Variants in MAP3K20 observed in about 807,000 individuals in gnomAD.
MAP3K20 encodes the protein HCCS-4.
A neutral mutation model predicts 85.7 loss-of-function variants in MAP3K20; 40 were observed. The ratio of observed to expected loss-of-function variants is 0.47; its 90% confidence interval spans 0.36 to 0.61. MAP3K20 has a LOEUF of 0.61. Ranked by LOEUF, MAP3K20 falls within the 20% of genes least tolerant of loss-of-function variation. The pLI is 0.00. For missense variants in MAP3K20, 817 were observed against 961.7 expected, an observed-to-expected ratio of 0.85 and a Z score of 1.99; for synonymous variants, 325 against 327.7, an observed-to-expected ratio of 0.99 and a Z score of 0.09.
intron 2 of MAP3K20, among the ~76,000 whole-genome samples, chr2:173,126,619 A>T (rs1246330384): frequency 6.6e-6 from 1 of 152,178 alleles, no homozygotes; most frequent in Non-Finnish European, 1.5e-5. Flanking sequence ...ACCTCAGGTG[A>T]TCCACCCACC....
chr2:173,102,760 C>T (rs1435588396), intron 2 of MAP3K20, among the ~76,000 whole-genome samples: 1 of 152,094 alleles, frequency 6.6e-6, no homozygotes, highest in African/African-American at 2.4e-5. Flanking sequence ...AAAAACATGC[C>T]AAGCAGTGCT....
At chr2:173,082,819 A>G (rs1687048708) in intron 1 of MAP3K20, among the ~76,000 whole-genome samples, 1 of 152,256 alleles carries the variant, frequency 6.6e-6, no homozygotes, top group Non-Finnish European at 1.5e-5. Context: ...CGTAGGTTGT[A>G]TCCACTTCAT....
intron 2 of MAP3K20, among the ~76,000 whole-genome samples, chr2:173,092,083 C>T (rs1687316970): frequency 6.6e-6 from 1 of 152,144 alleles, no homozygotes; most frequent in Admixed American, 6.5e-5. Flanking sequence ...TAACTGCTGC[C>T]AGTGAACCAT....
chr2:173,132,577 T>G (rs540863349), intron 2 of MAP3K20, among the ~76,000 whole-genome samples: 1 of 152,314 alleles, frequency 6.6e-6, no homozygotes, highest in Non-Finnish European at 1.5e-5. Flanking sequence ...AAAGTTTTTC[T>G]CTGTTTTCCA....
chr2:173,246,177 ACTC>A (rs1405390968), intron 16 of MAP3K20, among the ~76,000 whole-genome samples: 2 of 152,008 alleles, frequency 1.3e-5, no homozygotes, highest in Non-Finnish European at 2.9e-5. Flanking sequence ...CAGAGGTGAA[ACTC>A]CTCACCAGAG....
At position 173,146,382 on chromosome 2, in the gene MAP3K20, A is replaced by T. The variant is rs142330570; in HGVS notation, c.160-23423A>T. On this transcript the variant is annotated intron_variant, in intron 2 of 19. Transcript: ENST00000375213. ...TGTACATGCACACTATTTTATTCAT[A>T]TATGTAATACTGAAGGTGAATTGAA... 2.2e-3 allele frequency among the ~76,000 whole-genome samples: 339 copies of T among 152,282 alleles called. 2 individuals carry two copies. The highest frequency in any genetic ancestry group is 4.4e-3 in the Non-Finnish European group (302 of 68,000).
In MAP3K20 at chr2:173,172,506, A is replaced by C. The variant is rs1396889555; in HGVS notation, c.247+2614A>C. Among the ~76,000 whole-genome samples the C allele has an allele frequency of 2.6e-5, 4 of 152,142 alleles. No homozygotes were observed. In the East Asian group the frequency reaches 5.8e-4, roughly 22 times the overall value. ...GAGCTTCATAGATGGGTCACTGATG[A>C]TCTCTCTCTGTCTCAGTTTTCTCAT... On this transcript the variant is annotated intron_variant, in intron 3 of 19. Coordinates refer to ENST00000375213, the MANE Select transcript of MAP3K20 (RefSeq NM_016653.3).
chr2:173,203,250 G>A (rs1353123284), intron 8 of MAP3K20, among the ~76,000 whole-genome samples: 1 of 152,004 alleles, frequency 6.6e-6, no homozygotes, highest in Non-Finnish European at 1.5e-5. Context: ...TTGTTGTATC[G>A]GGTCCTTAAA....
intron 10 of MAP3K20, among the ~76,000 whole-genome samples, chr2:173,214,718 A>T (rs1684017518): frequency 6.6e-6 from 1 of 152,204 alleles, no homozygotes; most frequent in Non-Finnish European, 1.5e-5. Context: ...ATACTAGTTG[A>T]CATTGACCTT....
intron 4 of MAP3K20, 72 bp from the exon 5 acceptor site, chr2:173,187,483 GAAA>G: frequency 7.7e-7 from 1 of 1,304,090 alleles, no homozygotes; most frequent in Non-Finnish European, 1.1e-6. Flanking sequence ...TGAGTTCTTT[GAAA>G]AACTATGAAA....
At chr2:173,093,588 T>G (rs995482835) in intron 2 of MAP3K20, among the ~76,000 whole-genome samples, 3 of 152,188 alleles carry the variant, frequency 2.0e-5, no homozygotes, top group African/African-American at 7.2e-5. Context: ...AAAGAAAGAC[T>G]GTATTTACTT....
At chr2:173,134,409 TATATATATATATATA>T (rs1688724557) in intron 2 of MAP3K20, among the ~76,000 whole-genome samples, 5 of 9,732 alleles carry the variant, frequency 5.1e-4, no homozygotes, top group Admixed American at 1.9e-3. Flanking sequence ...TATATATATA[TATATATATATATATA>T]TATATTTTTT....
chr2:173,137,058 C>T (rs1688817997), intron 2 of MAP3K20, among the ~76,000 whole-genome samples: 1 of 152,182 alleles, frequency 6.6e-6, no homozygotes, highest in South Asian at 2.1e-4. Context: ...TTGGTCTTCT[C>T]AATTTCTCTC....
At chr2:173,122,645 C>A (rs899715927) in intron 2 of MAP3K20, among the ~76,000 whole-genome samples, 1 of 152,074 alleles carries the variant, frequency 6.6e-6, no homozygotes, top group Non-Finnish European at 1.5e-5. Context: ...GACGTAATGG[C>A]CACTGGACCT....
intron 2 of MAP3K20, among the ~76,000 whole-genome samples, chr2:173,130,054 A>G (rs1688563894): frequency 1.3e-5 from 2 of 152,256 alleles, no homozygotes; most frequent in Admixed American, 6.5e-5. Flanking sequence ...GAATTGCATT[A>G]TGCGTCAAAA....
At chr2:173,176,290 T>C (rs1690151786) in intron 3 of MAP3K20, among the ~76,000 whole-genome samples, 1 of 152,076 alleles carries the variant, frequency 6.6e-6, no homozygotes, top group Admixed American at 6.6e-5. Flanking sequence ...TTTCTACCTT[T>C]AAAATAAAGA....
intron 10 of MAP3K20, chr2:173,215,683 T>C (rs1684052477): frequency 6.6e-6 from 1 of 152,168 alleles, no homozygotes; most frequent in Non-Finnish European, 1.5e-5. Flanking sequence ...CGAAGTGAAA[T>C]GTTGAGCCAA....
intron 1 of MAP3K20, among the ~76,000 whole-genome samples, chr2:173,077,592 A>G (rs536083951): frequency 1.3e-5 from 2 of 152,304 alleles, no homozygotes; most frequent in Non-Finnish European, 2.9e-5. Flanking sequence ...TTTAATTCCT[A>G]CTATAACTTT....
intron 7 of MAP3K20, among the ~76,000 whole-genome samples, chr2:173,192,012 AC>A (rs1451327252): frequency 1.3e-5 from 2 of 152,238 alleles, no homozygotes; most frequent in Admixed American, 1.3e-4. Flanking sequence ...CTAAAATGTT[AC>A]GTATTCTTTA....
Sources: allele counts gnomAD v4.1 joint callset (sites outside exome capture counted in the v4.1 genomes callset), GRCh38; gene constraint gnomAD v4.1.1; transcripts MANE v1.5; gene names NCBI Gene and HGNC (gene_info 2026-07-23, HGNC 2026-07-21).